PTCHD4: variants seen among roughly 807,000 people sequenced by gnomAD.
The protein encoded by PTCHD4 is patched domain-containing protein 4.
A neutral mutation model predicts 58.1 loss-of-function variants in PTCHD4; 33 were observed. The observed-to-expected ratio is 0.57, with a 90% CI of 0.43 to 0.76. The LOEUF is 0.76. PTCHD4 is among the 30% of genes least tolerant of loss of function. The pLI is 0.00. For synonymous variants in PTCHD4, 478 were observed against 409.6 expected (o/e 1.17, Z -2.02); for missense variants, 1,058 against 1,027.1 (o/e 1.03, Z -0.41).
At chr6:47,882,747 T>G (rs767722633) in intron 4 of PTCHD4, among the ~76,000 whole-genome samples, 2 of 144,936 alleles carry the variant, frequency 1.4e-5, no homozygotes, top group East Asian at 2.1e-4. Flanking sequence ...CAGTGATATA[T>G]ATATATATAT....
At chr6:47,909,700 C>T (rs1765007690) in intron 4 of PTCHD4, among the ~76,000 whole-genome samples, 1 of 152,038 alleles carries the variant, frequency 6.6e-6, no homozygotes, top group Non-Finnish European at 1.5e-5. Flanking sequence ...GCCTTGGCCT[C>T]CAAAGTGTTG....
At chr6:48,008,124 C>T (rs1762527135) in intron 4 of PTCHD4, among the ~76,000 whole-genome samples, 1 of 152,106 alleles carries the variant, frequency 6.6e-6, no homozygotes, top group Non-Finnish European at 1.5e-5. Flanking sequence ...TTAGTTTATA[C>T]AGAGGTAGGG....
chr6:48,032,050 T>C (rs1044677706), intron 3 of PTCHD4, among the ~76,000 whole-genome samples: 1 of 126,886 alleles, frequency 7.9e-6, no homozygotes, highest in Non-Finnish European at 1.7e-5. Flanking sequence ...GTCCTTGACA[T>C]GGCTATTCTC....
chr6:47,901,802 T>C, intron 4 of PTCHD4: 1 of 1,273,220 alleles, frequency 7.9e-7, no homozygotes, highest in Non-Finnish European at 1.0e-6. Flanking sequence ...TTTTATTGTA[T>C]CCTAGGAGTC....
At chr6:47,955,417 T>C (rs1469189770) in intron 4 of PTCHD4, among the ~76,000 whole-genome samples, 2 of 152,120 alleles carry the variant, frequency 1.3e-5, no homozygotes, top group Non-Finnish European at 2.9e-5. Context: ...AGAGAAATAG[T>C]ATAAGCTGAC....
chr6:48,023,539 C>T (rs1303071668), intron 3 of PTCHD4, among the ~76,000 whole-genome samples: 1 of 152,160 alleles, frequency 6.6e-6, no homozygotes, highest in African/African-American at 2.4e-5. Flanking sequence ...CAGCTTCTTG[C>T]TATCACATAT....
At chr6:47,962,344 G>T (rs1393586465) in intron 4 of PTCHD4, among the ~76,000 whole-genome samples, 1 of 152,120 alleles carries the variant, frequency 6.6e-6, no homozygotes, top group Non-Finnish European at 1.5e-5. Context: ...CAATCACAAA[G>T]TCACAAGTCA....
intron 4 of PTCHD4, among the ~76,000 whole-genome samples, chr6:47,939,765 C>A (rs1418142291): frequency 2.6e-5 from 4 of 152,048 alleles, no homozygotes; most frequent in South Asian, 2.1e-4. Context: ...AGTTTTGACA[C>A]GTGATGCTCA....
intron 3 of PTCHD4, among the ~76,000 whole-genome samples, chr6:48,031,320 A>T (rs577424901): frequency 6.6e-6 from 1 of 151,840 alleles, no homozygotes; most frequent in African/African-American, 2.4e-5. Context: ...GTAATTTTTC[A>T]TCCAGTGACC....
chr6:47,997,742 CACTT>C (rs1258897449), intron 4 of PTCHD4, among the ~76,000 whole-genome samples: 1 of 152,168 alleles, frequency 6.6e-6, no homozygotes, highest in Non-Finnish European at 1.5e-5. Context: ...GATACACAAA[CACTT>C]GCTGCAAATA....
intron 3 of PTCHD4, among the ~76,000 whole-genome samples, chr6:48,058,374 G>A (rs560815954): frequency 3.4e-4 from 52 of 152,320 alleles, no homozygotes; most frequent in African/African-American, 4.8e-4. Flanking sequence ...ATTATGGTCC[G>A]ATGATTAATT....
At chr6:47,941,594 T>C (rs1372744285) in intron 4 of PTCHD4, among the ~76,000 whole-genome samples, 1 of 152,120 alleles carries the variant, frequency 6.6e-6, no homozygotes, top group Non-Finnish European at 1.5e-5. Context: ...ATTGATGCCA[T>C]CTAGAAAGAT....
chr6:47,999,353 A>G (rs758865700), intron 4 of PTCHD4, among the ~76,000 whole-genome samples: 1 of 152,216 alleles, frequency 6.6e-6, no homozygotes, highest in Non-Finnish European at 1.5e-5. Context: ...TCACCAAAGT[A>G]GCATGACTAC....
At position 47,871,493 on chromosome 6, in the gene PTCHD4, G is replaced by A. The variant is rs1763712843; in HGVS notation, c.*6810C>T. On this transcript the variant is annotated 3_prime_UTR_variant, in exon 5 of 5. Coordinates refer to ENST00000339488, the MANE Select transcript of PTCHD4 (RefSeq NM_001384253.1). ...TTACTCTCTTTCTGAGTCAATTTTT[G>A]AGCTCTGGGATATCTGTAGGGAGAC... Among the ~76,000 whole-genome samples the A allele has an allele frequency of 1.3e-5, 2 of 151,488 alleles. No homozygotes were observed. The highest frequency in any genetic ancestry group is 6.6e-5 in the Admixed American group (1 of 15,160).
intron 1 of PTCHD4, among the ~76,000 whole-genome samples, chr6:48,110,109 T>G (rs560741484): frequency 9.9e-5 from 15 of 152,188 alleles, no homozygotes; most frequent in African/African-American, 3.4e-4. Flanking sequence ...CCACTGAGTA[T>G]GTTTCAAAAG....
rs1581803437 is a variant in PTCHD4, at chr6:47,871,449, G to T, written c.*6854C>A. Among the ~76,000 whole-genome samples the T allele has an allele frequency of 1.3e-5, 2 of 151,690 alleles. No individual in the cohort carries two copies. The highest frequency in any genetic ancestry group is 3.9e-4 in the East Asian group (2 of 5,136). ...TGTGCATCTTACTGGGTAGACTGCT[G>T]CCTCTAATCAAAGTCAGATTACTCT... is the stretch of plus-strand genomic sequence containing the variant. On this transcript the variant is annotated 3_prime_UTR_variant, in exon 5 of 5. Transcript: ENST00000339488.
chr6:48,012,049 A>C (rs1487479143), intron 3 of PTCHD4, among the ~76,000 whole-genome samples: 2 of 152,164 alleles, frequency 1.3e-5, no homozygotes, highest in Non-Finnish European at 2.9e-5. Flanking sequence ...TGTCTTGGCT[A>C]TATGGGCTAT....
At chr6:48,013,574 A>C (rs1474314171) in intron 3 of PTCHD4, among the ~76,000 whole-genome samples, 1 of 152,014 alleles carries the variant, frequency 6.6e-6, no homozygotes, top group Admixed American at 6.6e-5. Flanking sequence ...ATCTCATCCC[A>C]GAACTGAGAA....
At chr6:47,889,947 C>A (rs1304528385) in intron 4 of PTCHD4, among the ~76,000 whole-genome samples, 3 of 151,950 alleles carry the variant, frequency 2.0e-5, no homozygotes, top group East Asian at 3.9e-4. Flanking sequence ...ATTTTCGCAA[C>A]CTACTCATCT....
Sources: allele counts gnomAD v4.1 joint callset (sites outside exome capture counted in the v4.1 genomes callset), GRCh38; gene constraint gnomAD v4.1.1; transcripts MANE v1.5; gene names NCBI Gene and HGNC (gene_info 2026-07-23, HGNC 2026-07-21).